The following AKAP19 variants were observed in gnomAD, a reference collection of about 807,000 sequenced individuals.
AKAP19 encodes A-kinase anchoring protein 19.
At chr2:190,179,843 G>T in the AKAP19 span, among the ~76,000 whole-genome samples, 1 of 152,130 alleles carries the variant, frequency 6.6e-6, no homozygotes, top group African/African-American at 2.4e-5. The surrounding 1 kb of genome is among the most constrained non-coding windows in gnomAD (Gnocchi z 6.0). Flanking sequence ...CATGAATTTC[G>T]CATTGACTAA....
the AKAP19 span, among the ~76,000 whole-genome samples, chr2:189,977,991 G>C: frequency 1.3e-5 from 2 of 152,168 alleles, no homozygotes; most frequent in African/African-American, 2.4e-5. Flanking sequence ...AATAGGTTTT[G>C]TGTTAGAAGA....
the AKAP19 span, among the ~76,000 whole-genome samples, chr2:190,161,418 T>C: frequency 6.6e-6 from 1 of 152,170 alleles, no homozygotes; most frequent in African/African-American, 2.4e-5. Context: ...ACCAAATTTA[T>C]TTTCCATAAA....
At chr2:190,038,691 C>T in the AKAP19 span, among the ~76,000 whole-genome samples, 1 of 152,160 alleles carries the variant, frequency 6.6e-6, no homozygotes, top group East Asian at 1.9e-4. Flanking sequence ...GATATTATAT[C>T]CCAATATACT....
chr2:190,035,205 C>A, the AKAP19 span, among the ~76,000 whole-genome samples: 1 of 152,020 alleles, frequency 6.6e-6, no homozygotes, highest in Non-Finnish European at 1.5e-5. Context: ...CTTTGGGAGG[C>A]CGAGGCAGAC....
chr2:189,904,194 A>G, the AKAP19 span, among the ~76,000 whole-genome samples: 2 of 152,200 alleles, frequency 1.3e-5, no homozygotes, highest in Non-Finnish European at 2.9e-5. Context: ...CAATAATTAC[A>G]TTGCCTTATA....
the AKAP19 span, among the ~76,000 whole-genome samples, chr2:190,013,668 A>G: frequency 0.011 from 1,732 of 152,060 alleles, 32 homozygotes; most frequent in African/African-American, 0.04. Flanking sequence ...GGTGCCTGCC[A>G]CCATGCCTGG....
At chr2:190,022,255 A>G in the AKAP19 span, among the ~76,000 whole-genome samples, 1 of 152,166 alleles carries the variant, frequency 6.6e-6, no homozygotes, top group African/African-American at 2.4e-5. Context: ...CTCCGAATTG[A>G]GAGAACTATC....
chr2:190,180,893 G>A, the AKAP19 span: 3 of 985,190 alleles, frequency 3.0e-6, no homozygotes, highest in African/African-American at 1.7e-5. This position sits in a 1 kb window ranked among gnomAD's most constrained non-coding sequence, Gnocchi z 6.8. Context: ...GCCGGGCGCC[G>A]GCGAGAAGGC....
At chr2:189,962,669 G>A in the AKAP19 span, among the ~76,000 whole-genome samples, 16 of 152,220 alleles carry the variant, frequency 1.1e-4, no homozygotes, top group Middle Eastern at 3.4e-3. Context: ...GGGGGATAAA[G>A]GCTGACAATT....
At chr2:190,123,239 T>C in the AKAP19 span, among the ~76,000 whole-genome samples, 4 of 152,222 alleles carry the variant, frequency 2.6e-5, no homozygotes. Context: ...TTTAAGCATA[T>C]ATTTAAGAAT....
At chr2:190,117,558 A>G in the AKAP19 span, among the ~76,000 whole-genome samples, 1 of 152,246 alleles carries the variant, frequency 6.6e-6, no homozygotes, top group Non-Finnish European at 1.5e-5. Context: ...TTAAGCATGC[A>G]GATAATTTGT....
At chr2:189,985,360 G>A in the AKAP19 span, among the ~76,000 whole-genome samples, 2 of 151,998 alleles carry the variant, frequency 1.3e-5, no homozygotes, top group Non-Finnish European at 2.9e-5. Context: ...TTCAACTTAC[G>A]ATATTTTCAA....
chr2:189,976,291 C>T, the AKAP19 span, among the ~76,000 whole-genome samples: 9 of 152,220 alleles, frequency 5.9e-5, no homozygotes, highest in Non-Finnish European at 1.2e-4. Flanking sequence ...TGCAGAACAG[C>T]GAATATTGCT....
the AKAP19 span, among the ~76,000 whole-genome samples, chr2:190,111,658 T>C: frequency 2.5e-3 from 380 of 151,738 alleles, 1 homozygote; most frequent in Middle Eastern, 0.01. Context: ...ATTAGATAGA[T>C]AGACAGACAG....
the AKAP19 span, among the ~76,000 whole-genome samples, chr2:189,880,166 T>A: frequency 6.6e-6 from 1 of 152,112 alleles, no homozygotes; most frequent in Non-Finnish European, 1.5e-5. Context: ...AAAGTGTAAA[T>A]AGGAGCCACT....
the AKAP19 span, among the ~76,000 whole-genome samples, chr2:190,051,737 G>C: frequency 3.9e-5 from 6 of 152,154 alleles, no homozygotes; most frequent in Non-Finnish European, 5.9e-5. Context: ...TAGACTTTGG[G>C]ACAATTTTAC....
chr2:189,949,508 G>GA, the AKAP19 span, among the ~76,000 whole-genome samples: 1 of 144,270 alleles, frequency 6.9e-6, no homozygotes, highest in Non-Finnish European at 1.5e-5. Flanking sequence ...CTCAAAAAAA[G>GA]AAAAAAAAAA....
chr2:190,190,409 C>G, the AKAP19 span, among the ~76,000 whole-genome samples: 4 of 152,232 alleles, frequency 2.6e-5, no homozygotes, highest in Admixed American at 2.0e-4. Flanking sequence ...AAGTTATATT[C>G]CATTTTGAGG....
chr2:189,989,644 TCTC>T, the AKAP19 span, among the ~76,000 whole-genome samples: 2 of 152,056 alleles, frequency 1.3e-5, no homozygotes, highest in Non-Finnish European at 2.9e-5. Flanking sequence ...AAATGTATAT[TCTC>T]CTAATAATAC....
Sources: gnomAD v4.1 joint callset for allele counts (sites outside exome capture counted in the v4.1 genomes callset) on GRCh38, gnomAD v4.1.1 for gene constraint, Gnocchi (gnomAD v3.1) non-coding constraint, MANE v1.5 for transcripts, NCBI Gene and HGNC (gene_info 2026-07-23, HGNC 2026-07-21) for gene names.